Variants in CAMTA1 observed in about 807,000 individuals in gnomAD.
The protein encoded by CAMTA1 is calmodulin-binding transcription activator 1.
Under a neutral mutation model 170.9 loss-of-function variants are expected in CAMTA1, and 27 were observed. That is an observed-to-expected ratio of 0.16 (90% CI 0.12 to 0.22). The LOEUF (loss-of-function observed/expected upper bound fraction) is 0.22, where lower values mean the gene tolerates loss of function less well. CAMTA1 is among the 10% of genes least tolerant of loss of function. The pLI is 1.00. For missense variants in CAMTA1, 1,619 were observed against 2,217.2 expected (o/e 0.73, Z 5.42); for synonymous variants, 833 against 891.5 (o/e 0.93, Z 1.17).
chr1:7,385,591 C>T (rs2087862637), intron 5 of CAMTA1, among the ~76,000 whole-genome samples: 3 of 152,274 alleles, frequency 2.0e-5, no homozygotes, highest in South Asian at 4.1e-4. Flanking sequence ...AGGGAGAGCC[C>T]CGGGGGGAAG....
intron 5 of CAMTA1, among the ~76,000 whole-genome samples, chr1:7,447,683 T>C (rs1009936177): frequency 1.3e-5 from 2 of 151,994 alleles, no homozygotes; most frequent in African/African-American, 4.8e-5. Context: ...CTCCCAGCCC[T>C]GTGTGGGGGT....
intron 11 of CAMTA1, among the ~76,000 whole-genome samples, chr1:7,705,002 G>A (rs1244555664): frequency 7.7e-6 from 1 of 129,746 alleles, no homozygotes; most frequent in Non-Finnish European, 1.7e-5. Flanking sequence ...GGGGACACGC[G>A]TGCTCGCGGG....
intron 6 of CAMTA1, among the ~76,000 whole-genome samples, chr1:7,481,056 C>T (rs2093524633): frequency 1.3e-5 from 2 of 152,178 alleles, no homozygotes. Context: ...TGCCTCTTTC[C>T]TGCTCAGAAA....
At chr1:7,031,755 A>C (rs545612915) in intron 3 of CAMTA1, among the ~76,000 whole-genome samples, 28 of 152,162 alleles carry the variant, frequency 1.8e-4, no homozygotes, top group Admixed American at 1.7e-3. Context: ...GTTAGCCAGG[A>C]TGGTGTTGAT....
intron 7 of CAMTA1, among the ~76,000 whole-genome samples, chr1:7,661,365 T>C (rs1399124443): frequency 6.6e-6 from 1 of 152,228 alleles, no homozygotes; most frequent in Non-Finnish European, 1.5e-5. Context: ...CAGCCTCCTG[T>C]CCACTCTCCT....
rs150563724 is a variant in CAMTA1, at chr1:7,301,883, C to T, written c.438+52257C>T. Among the ~76,000 whole-genome samples, 1,259 of 152,248 alleles carry T rather than the reference C, an allele frequency of 8.3e-3. 22 individuals carry two copies. Among genetic ancestry groups the T allele is most frequent in the African/African-American group, 0.028 (1,160 of 41,544 alleles). ...AGCCAAGCTGCTCTGGGCTCTGGAACGGGCTGCAGGCTTTCTCGGGCCCCT... is the reference window on the plus strand; with the variant it reads ...AGCCAAGCTGCTCTGGGCTCTGGAATGGGCTGCAGGCTTTCTCGGGCCCCT... On this transcript the variant is annotated intron_variant, in intron 5 of 22. Coordinates refer to ENST00000303635, the MANE Select transcript of CAMTA1 (RefSeq NM_015215.4).
Position 7,738,290 on chromosome 1 carries a change from G to T in CAMTA1, c.3990G>T (p.Val1330=). Reference sequence around the variant, plus strand: ...ATTCCAAAGATCTTTACATTGGTGTGTCTACAGTACAGGTGACTGGAAATC... The same window carrying T: ...ATTCCAAAGATCTTTACATTGGTGTTTCTACAGTACAGGTGACTGGAAATC... ...KWNSKDLYIG[V]STVQVTGNPK... is the part of the protein sequence containing the mutation. Residue 1330 remains valine, a synonymous_variant, in exon 16 of 23, where the codon GTG becomes GTT. Coordinates refer to ENST00000303635, the MANE Select transcript of CAMTA1 (RefSeq NM_015215.4). This position sits in a 1 kb window ranked among gnomAD's most constrained non-coding sequence, Gnocchi z 4.9. 6.2e-7 allele frequency: 1 copy of T among 1,614,178 alleles called. No individual in the cohort carries two copies. Among genetic ancestry groups the T allele is most frequent in the Non-Finnish European group, 8.5e-7 (1 of 1,180,054 alleles).
intron 6 of CAMTA1, among the ~76,000 whole-genome samples, chr1:7,545,818 A>G (rs1287448804): frequency 6.6e-6 from 1 of 152,114 alleles, no homozygotes; most frequent in African/African-American, 2.4e-5. Context: ...TCCATTAGCT[A>G]TTCTTTCTGA....
chr1:6,840,098 C>G (rs1655053872), intron 3 of CAMTA1, among the ~76,000 whole-genome samples: 1 of 152,100 alleles, frequency 6.6e-6, no homozygotes, highest in Non-Finnish European at 1.5e-5. Flanking sequence ...TACTCGGAGG[C>G]TGAGGCAGGA....
chr1:7,446,609 T>C (rs1442003424), intron 5 of CAMTA1, among the ~76,000 whole-genome samples: 1 of 152,204 alleles, frequency 6.6e-6, no homozygotes, highest in Non-Finnish European at 1.5e-5. Context: ...ATGTGGCTTG[T>C]AGTGGTGCAG....
Position 7,661,731 on chromosome 1 carries a change from G to A in CAMTA1, c.670G>A (p.Gly224Ser). The A allele has an allele frequency of 6.2e-7, 1 of 1,613,950 alleles. No individual in the cohort carries two copies. Residue 224 changes from glycine (G) to serine (S), a missense_variant, in exon 8 of 23, where the codon GGC becomes AGC. By Grantham distance (56) the Gly-to-Ser change is moderately conservative. Coordinates refer to ENST00000303635, the MANE Select transcript of CAMTA1 (RefSeq NM_015215.4). ...LIGQLKPMFH[G>S]IKWTCSNGNS... ...CCCTGCCTCTCTCTTCACAGTCCAT[G>A]GCATCAAGTGGACCTGCAGCAATGG...
At chr1:6,972,179 G>T (rs991971752) in intron 3 of CAMTA1, among the ~76,000 whole-genome samples, 1 of 152,150 alleles carries the variant, frequency 6.6e-6, no homozygotes, top group Non-Finnish European at 1.5e-5. Context: ...AGAAGGGGGT[G>T]ACTGCCCTGT....
At chr1:7,599,093 A>T (rs762035965) in intron 6 of CAMTA1, among the ~76,000 whole-genome samples, 6 of 152,216 alleles carry the variant, frequency 3.9e-5, no homozygotes, top group Non-Finnish European at 8.8e-5. Flanking sequence ...TAAATCTTTA[A>T]TCCATCCTGA....
rs1176345586 is a variant in CAMTA1 at position 7,064,519 on chromosome 1, G to A, written c.235-26785G>A. 2.0e-5 allele frequency among the ~76,000 whole-genome samples: 3 copies of A among 152,310 alleles called. No homozygotes were observed. Among genetic ancestry groups the A allele is most frequent in the Non-Finnish European group, 2.9e-5 (2 of 68,022 alleles). ...GCTGCAGAGGAAGAAGTGCTGGGAG[G>A]AGGGTGATGGTTGGGGAGGGAGGGG... is the stretch of plus-strand genomic sequence containing the variant. On this transcript the variant is annotated intron_variant, in intron 3 of 22. Transcript: ENST00000303635. The surrounding 1 kb of genome is among the most constrained non-coding windows in gnomAD (Gnocchi z 5.4).
intron 3 of CAMTA1, among the ~76,000 whole-genome samples, chr1:7,008,125 G>C (rs1699273020): frequency 6.6e-6 from 1 of 152,196 alleles, no homozygotes; most frequent in Middle Eastern, 3.2e-3. Context: ...GGGCACCGTG[G>C]GTCGTGGAAG....
chr1:6,842,969 T>C (rs1022547384), intron 3 of CAMTA1, among the ~76,000 whole-genome samples: 3 of 152,002 alleles, frequency 2.0e-5, no homozygotes, highest in African/African-American at 7.2e-5. Context: ...GAGGGGAACA[T>C]TTGTAATAGG....
In CAMTA1 at chr1:7,044,885, C is replaced by T. The variant is rs987267849; in HGVS notation, c.235-46419C>T. Among the ~76,000 whole-genome samples the T allele has an allele frequency of 2.2e-5, 2 of 91,828 alleles. No homozygotes were observed. Among genetic ancestry groups the T allele is most frequent in the East Asian group, 2.6e-4 (1 of 3,846 alleles). 60.2% of individuals were successfully genotyped at this position (91,828 alleles called of 152,430 possible). On this transcript the variant is annotated intron_variant, in intron 3 of 22. Coordinates refer to ENST00000303635, the MANE Select transcript of CAMTA1 (RefSeq NM_015215.4). This position sits in a 1 kb window ranked among gnomAD's most constrained non-coding sequence, Gnocchi z 5.0. ...GTGCCTCCTCTCCCCATTAACATCCCGCCATTTTGATTAAAAAAAAAAATC... is the reference window on the plus strand; with the variant it reads ...GTGCCTCCTCTCCCCATTAACATCCTGCCATTTTGATTAAAAAAAAAAATC...
chr1:7,042,699 C>A (rs1486524780), intron 3 of CAMTA1, among the ~76,000 whole-genome samples: 1 of 152,172 alleles, frequency 6.6e-6, no homozygotes, highest in Non-Finnish European at 1.5e-5. Flanking sequence ...ATCTGAGAAG[C>A]CCTAGCGGGT....
chr1:7,461,361 G>A (rs1400921943), intron 5 of CAMTA1, among the ~76,000 whole-genome samples: 1 of 152,224 alleles, frequency 6.6e-6, no homozygotes, highest in African/African-American at 2.4e-5. Context: ...CCTAACCCAT[G>A]TTCTCTAGCG....
Sources: allele counts gnomAD v4.1 joint callset (sites outside exome capture counted in the v4.1 genomes callset), GRCh38; gene constraint gnomAD v4.1.1; non-coding constraint Gnocchi (gnomAD v3.1); transcripts MANE v1.5; gene names NCBI Gene and HGNC (gene_info 2026-07-23, HGNC 2026-07-21).